The following SLC9B2 variants were observed in gnomAD, a reference collection of about 807,000 sequenced individuals.
SLC9B2 encodes the protein solute carrier family 9 member B2.
Under a neutral mutation model 52.2 loss-of-function variants are expected in SLC9B2, and 39 were observed. That is an observed-to-expected ratio of 0.75 (90% CI 0.58 to 0.98). SLC9B2 has a LOEUF of 0.98. Among genes scored for constraint, SLC9B2 ranks in the 50% least tolerant of loss-of-function variants. The pLI, the probability that SLC9B2 is intolerant of heterozygous loss-of-function variation, is 0.00. For synonymous variants in SLC9B2, 214 were observed against 227.0 expected, an observed-to-expected ratio of 0.94 and a Z score of 0.51; for missense variants, 626 against 637.5, an observed-to-expected ratio of 0.98 and a Z score of 0.19.
At chr4:103,018,828 C>T (rs1258949208), downstream of SLC9B2, among the ~76,000 whole-genome samples, 1 of 152,110 alleles carries the variant, frequency 6.6e-6, no homozygotes, top group Non-Finnish European at 1.5e-5. Context: ...GGTTTGTGGC[C>T]TATTAGGAAC....
intron 9 of SLC9B2, among the ~76,000 whole-genome samples, chr4:103,032,535 G>A (rs1207305203): frequency 6.6e-6 from 1 of 152,106 alleles, no homozygotes; most frequent in African/African-American, 2.4e-5. Flanking sequence ...AGTAGAGTGT[G>A]CTAAAGAGAT....
At chr4:103,026,991 CCTT>C (rs1399331506) in intron 11 of SLC9B2, among the ~76,000 whole-genome samples, 5 of 152,160 alleles carry the variant, frequency 3.3e-5, no homozygotes, top group African/African-American at 4.8e-5. Context: ...GATCCTCCCT[CCTT>C]AGCCTCCCAA....
At chr4:103,077,162 T>G (rs1009687971), upstream of SLC9B2, 1 of 152,224 alleles carries the variant, frequency 6.6e-6, no homozygotes, top group Non-Finnish European at 1.5e-5. Context: ...TTTTCACTCC[T>G]GTAAGCAAGT....
At chr4:103,058,044 T>C in intron 3 of SLC9B2, 73 bp from the exon 4 acceptor site, 2 of 1,314,218 alleles carry the variant, frequency 1.5e-6, no homozygotes, top group South Asian at 2.7e-5. Context: ...TCTAAAATAA[T>C]TTGTAAAAAT....
At chr4:103,037,990 A>C (rs1395848397) in intron 9 of SLC9B2, among the ~76,000 whole-genome samples, 5 of 151,558 alleles carry the variant, frequency 3.3e-5, no homozygotes, top group Admixed American at 3.3e-4. Flanking sequence ...TTTCCTGAGT[A>C]GGCTGGGACT....
At position 103,066,507 on chromosome 4, in the gene SLC9B2, C is replaced by G. The variant is rs1282378045; in HGVS notation, c.91G>C (p.Glu31Gln). Residue 31 changes from glutamate to glutamine, a missense_variant and splice_region_variant, in exon 3 of 12, where the codon GAG (glutamate) becomes CAG (glutamine). Physicochemically the swap from Glu to Gln is conservative, Grantham distance 29. Coordinates refer to ENST00000394785, the MANE Select transcript of SLC9B2 (RefSeq NM_178833.7). ...YTPSMHQEAQ[E>Q]ETVMKLKGID... is the part of the protein sequence containing the mutation. ...CCTTTGAGCTTCATAACTGTCTCCT[C>G]CTGTGTTTAAAGTAATTTTAAAAAT... 1 of 1,609,434 alleles carries G rather than the reference C, an allele frequency of 6.2e-7. No homozygotes were observed. The highest frequency in any genetic ancestry group is 2.2e-5 in the East Asian group (1 of 44,862).
At chr4:103,064,523 A>G (rs1578478838) in intron 3 of SLC9B2, among the ~76,000 whole-genome samples, 1 of 152,156 alleles carries the variant, frequency 6.6e-6, no homozygotes, top group Non-Finnish European at 1.5e-5. Flanking sequence ...ATGGGGAGAG[A>G]GTGGTCAACA....
rs761373582 is a variant in SLC9B2 at position 103,026,489 on chromosome 4, G to T, written c.1495C>A (p.Leu499Ile). Residue 499 changes from leucine to isoleucine, a missense_variant, in exon 12 of 12, where the codon CTC (leucine) becomes ATC (isoleucine). Coordinates refer to ENST00000394785, the MANE Select transcript of SLC9B2 (RefSeq NM_178833.7). ...DVLTVAFLSI[L>I]ITAPIGSLLI... ...AGACTTCCAATTGGGGCTGTGATGA[G>T]GATGGACAAAAATGCCACTGTCAAC... The T allele has an allele frequency of 3.1e-6, 5 of 1,613,764 alleles. No individual in the cohort carries two copies. Among genetic ancestry groups the T allele is most frequent in the African/African-American group, 1.3e-5 (1 of 74,874 alleles).
chr4:103,046,999 C>T, intron 7 of SLC9B2, 52 bp downstream of exon 7: 1 of 1,568,202 alleles, frequency 6.4e-7, no homozygotes, highest in Non-Finnish European at 8.7e-7. Flanking sequence ...AACATTTTAA[C>T]CTACGTCCCT....
intron 3 of SLC9B2, among the ~76,000 whole-genome samples, chr4:103,060,353 T>A (rs954117156): frequency 6.6e-6 from 1 of 151,966 alleles, no homozygotes; most frequent in Non-Finnish European, 1.5e-5. Flanking sequence ...CTATCCTATA[T>A]CTTTCATTTC....
chr4:103,044,593 T>C (rs1220630631), intron 8 of SLC9B2, among the ~76,000 whole-genome samples: 1 of 152,302 alleles, frequency 6.6e-6, no homozygotes, highest in Admixed American at 6.5e-5. Flanking sequence ...CTGGGTTTAG[T>C]TGAGTATTAT....
Position 103,049,103 on chromosome 4 carries a change from A to G in SLC9B2, c.586-83T>C. 2.0e-6 allele frequency: 3 copies of G among 1,499,520 alleles called. No individual in the cohort carries two copies. The East Asian group carries it at 7.2e-5, about 36-fold the overall frequency. The allele number at this position is 1,499,520 out of a possible 1,614,324, so 92.9% of individuals were successfully genotyped here. A position where few individuals can be genotyped will look rare whatever the true frequency, so the allele number is the denominator to read the frequency against. ...ACCTTGAATGCTTTCTCTTCAGTAT[A>G]TGGACCACGTCTGGGTCATCATGAG... On this transcript the variant is annotated intron_variant, in intron 5 of 11. Coordinates refer to ENST00000394785, the MANE Select transcript of SLC9B2 (RefSeq NM_178833.7).
At chr4:103,028,394 C>T (rs1201842443) in intron 11 of SLC9B2, among the ~76,000 whole-genome samples, 2 of 152,106 alleles carry the variant, frequency 1.3e-5, no homozygotes, top group East Asian at 3.9e-4. Flanking sequence ...ATTTTACTCT[C>T]TTCTTGGAAG....
chr4:103,074,548 A>G (rs1746945380), intron 1 of SLC9B2, among the ~76,000 whole-genome samples: 1 of 152,216 alleles, frequency 6.6e-6, no homozygotes, highest in African/African-American at 2.4e-5. Flanking sequence ...TTGTATTGAA[A>G]TTTCTCAAAA....
At chr4:103,040,724 C>T (rs1344608449) in intron 9 of SLC9B2, among the ~76,000 whole-genome samples, 1 of 152,172 alleles carries the variant, frequency 6.6e-6, no homozygotes, top group Non-Finnish European at 1.5e-5. Context: ...AAAAACTGTT[C>T]AATTTCACTG....
chr4:103,057,273 T>TATATATAG (rs1220375909), intron 4 of SLC9B2, among the ~76,000 whole-genome samples: 1 of 143,224 alleles, frequency 7.0e-6, no homozygotes, highest in African/African-American at 2.6e-5. Flanking sequence ...TATATATATA[T>TATATATAG]ACACACACAC....
chr4:103,026,494 G>A lies in SLC9B2; in HGVS notation c.1490C>T (p.Ser497Phe), dbSNP rs1742224845. Residue 497 changes from serine to phenylalanine, a missense_variant, in exon 12 of 12, where the codon TCC (serine) becomes TTC (phenylalanine). Physicochemically the swap from Ser to Phe is radical, Grantham distance 155. Transcript: ENST00000394785. ...TCCAATTGGGGCTGTGATGAGGATG[G>A]ACAAAAATGCCACTGTCAACACATC... The part of the protein sequence containing the change: ...GMDVLTVAFL[S>F]ILITAPIGSL... 3 of 1,613,860 alleles carry A rather than the reference G, an allele frequency of 1.9e-6. No homozygotes were observed. The highest frequency in any genetic ancestry group is 2.5e-6 in the Non-Finnish European group (3 of 1,179,894).
At chr4:103,061,821 T>C (rs956938626) in intron 3 of SLC9B2, among the ~76,000 whole-genome samples, 2 of 152,180 alleles carry the variant, frequency 1.3e-5, no homozygotes, top group Non-Finnish European at 2.9e-5. Flanking sequence ...TTTTTTCAGA[T>C]GATGTCCTTG....
intron 5 of SLC9B2, among the ~76,000 whole-genome samples, 173 bp downstream of exon 5, chr4:103,050,067 C>T (rs1477665261): frequency 6.6e-6 from 1 of 151,370 alleles, no homozygotes; most frequent in Non-Finnish European, 1.5e-5. Flanking sequence ...TTGCAAACCA[C>T]AACAAGGTCT....
Sources: gnomAD v4.1 joint callset for allele counts (sites outside exome capture counted in the v4.1 genomes callset) on GRCh38, gnomAD v4.1.1 for gene constraint, MANE v1.5 for transcripts, NCBI Gene and HGNC (gene_info 2026-07-23, HGNC 2026-07-21) for gene names.